The following OR1F1 variants were observed in gnomAD, a reference collection of about 807,000 sequenced individuals.
OR1F1 encodes the protein olfactory receptor 1F1.
For missense variants in OR1F1, 493 were observed against 376.3 expected (o/e 1.31, Z -2.57); for synonymous variants, 184 against 156.7 (o/e 1.17, Z -1.30).
upstream of OR1F1, among the ~76,000 whole-genome samples, chr16:3,202,650 T>C (rs900792567): frequency 6.9e-6 from 1 of 144,130 alleles, no homozygotes; most frequent in African/African-American, 2.5e-5. Context: ...AAGAATGAAA[T>C]TCCATCTCAA....
upstream of OR1F1, among the ~76,000 whole-genome samples, chr16:3,203,240 A>C (rs1437048427): frequency 6.6e-6 from 1 of 152,216 alleles, no homozygotes; most frequent in Non-Finnish European, 1.5e-5. Flanking sequence ...ATATGACCCT[A>C]GTGGCCATGG....
chr16:3,190,482 G>A, the OR1F1 span, among the ~76,000 whole-genome samples: 1,275 of 152,302 alleles, frequency 8.4e-3, 24 homozygotes, highest in African/African-American at 0.029. Flanking sequence ...AGGGAGGCAG[G>A]GCTCACGCCT....
chr16:3,203,273 C>G (rs936355479), upstream of OR1F1, among the ~76,000 whole-genome samples: 3 of 152,194 alleles, frequency 2.0e-5, no homozygotes, highest in African/African-American at 7.2e-5. Flanking sequence ...AGAGCTTGCC[C>G]TGTGATTCTT....
In OR1F1 at chr16:3,204,622, G is replaced by T. The variant is rs8045183; in HGVS notation, c.376G>T (p.Val126Leu). 10 of 1,613,932 alleles carry T rather than the reference G, an allele frequency of 6.2e-6. No individual in the cohort carries two copies. Among genetic ancestry groups the T allele is most frequent in the Non-Finnish European group, 7.6e-6 (9 of 1,180,034 alleles). ...GATGGCCTATGACCACTTTGTCGCC[G>T]TGTGCCACCCCTTACATTACACAGC... The change falls in exon 1 of 1, where the codon GTG becomes TTG. Residue 126 changes from valine to leucine, a missense_variant. Physicochemically the swap from Val to Leu is conservative, Grantham distance 32. Transcript: ENST00000304646.
At chr16:3,204,368 G>T (rs1268815620) in exon 1 of OR1F1, 1 of 1,613,864 alleles carries the variant, frequency 6.2e-7, no homozygotes, top group Non-Finnish European at 8.5e-7. Flanking sequence ...ACTGTCCTGG[G>T]GAACCTGCTC....
At chr16:3,205,275 C>T (rs118007536), downstream of OR1F1, 666 of 892,402 alleles carry the variant, frequency 7.5e-4, no homozygotes, top group Non-Finnish European at 9.1e-4. Flanking sequence ...AAATGATGTT[C>T]TTGCTAGTGA....
the OR1F1 span, among the ~76,000 whole-genome samples, chr16:3,188,888 C>G: frequency 6.6e-6 from 1 of 152,200 alleles, no homozygotes; most frequent in Non-Finnish European, 1.5e-5. Context: ...GTCCCGCCAG[C>G]TCCCCCCAGT....
downstream of OR1F1, among the ~76,000 whole-genome samples, chr16:3,205,394 C>T (rs897638671): frequency 5.9e-5 from 9 of 152,136 alleles, no homozygotes; most frequent in African/African-American, 2.2e-4. Context: ...TGGCTCACTG[C>T]ACCCTCCATC....
chr16:3,204,269 G>T, exon 1 of OR1F1: 1 of 1,610,438 alleles, frequency 6.2e-7, no homozygotes, highest in Non-Finnish European at 8.5e-7. Context: ...AACCAGTCGA[G>T]TGTCTCCGAG....
the OR1F1 span, among the ~76,000 whole-genome samples, chr16:3,196,573 G>C: frequency 1.4e-4 from 21 of 151,826 alleles, no homozygotes; most frequent in South Asian, 4.2e-4. Flanking sequence ...TTTTTGTAGA[G>C]ATGGGATCTC....
At chr16:3,192,235 T>A in the OR1F1 span, among the ~76,000 whole-genome samples, 1 of 152,152 alleles carries the variant, frequency 6.6e-6, no homozygotes, top group Non-Finnish European at 1.5e-5. Flanking sequence ...TTTTTGTATT[T>A]TTAGTAGAGA....
chr16:3,202,716 T>C (rs2141591028), upstream of OR1F1, among the ~76,000 whole-genome samples: 1 of 149,812 alleles, frequency 6.7e-6, no homozygotes, highest in Admixed American at 6.7e-5. Context: ...AACAATTTAA[T>C]ATCTTCAGCC....
the OR1F1 span, among the ~76,000 whole-genome samples, chr16:3,197,741 A>AGAGGGAGAG: frequency 1.5e-5 from 1 of 68,016 alleles, no homozygotes. Context: ...GAGAGGGAGA[A>AGAGGGAGAG]GGAGAGGGAG....
At chr16:3,200,130 G>T (rs988876175), upstream of OR1F1, among the ~76,000 whole-genome samples, 15 of 152,134 alleles carry the variant, frequency 9.9e-5, no homozygotes, top group African/African-American at 3.6e-4. Context: ...ATGCACGAGG[G>T]AGACTCCCTT....
chr16:3,196,987 C>T, the OR1F1 span, among the ~76,000 whole-genome samples: 3 of 152,268 alleles, frequency 2.0e-5, no homozygotes, highest in South Asian at 2.1e-4. Flanking sequence ...AGTGATTCTC[C>T]TGCCTCAGTC....
At chr16:3,200,761 T>C (rs541615488), upstream of OR1F1, among the ~76,000 whole-genome samples, 41 of 152,320 alleles carry the variant, frequency 2.7e-4, no homozygotes, top group South Asian at 8.1e-3. Flanking sequence ...TGCTGAGGCT[T>C]ACTGTGTGGA....
At chr16:3,203,590 C>A (rs1467575099), upstream of OR1F1, among the ~76,000 whole-genome samples, 4 of 152,174 alleles carry the variant, frequency 2.6e-5, no homozygotes, top group Non-Finnish European at 5.9e-5. Flanking sequence ...ATGGTGAAAC[C>A]CCGTCTCTAC....
the OR1F1 span, chr16:3,191,133 A>G: frequency 6.6e-6 from 1 of 152,218 alleles, no homozygotes; most frequent in Non-Finnish European, 1.5e-5. Flanking sequence ...CCCGATACAC[A>G]GCAGAACTCT....
rs755748017 is a variant in OR1F1 at position 3,204,661 on chromosome 16, C to T, written c.415C>T (p.Gln139Ter). 5.0e-6 allele frequency: 8 copies of T among 1,614,216 alleles called. No individual in the cohort carries two copies. The Middle Eastern group carries it at 4.9e-4, about 100-fold the overall frequency. ...ACATTACACAGCAAAGATGACCCAT[C>T]AGCTCTGTGCCCTGCTGGTTGCTGG... Residue 139 changes from glutamine (Q) to a stop codon, truncating the protein, a stop_gained, in exon 1 of 1, where the codon CAG (glutamine) becomes TAG (stop). Coordinates refer to ENST00000304646, the Ensembl canonical transcript of OR1F1. LOFTEE classifies it low-confidence loss of function (END_TRUNC).
Sources: allele counts gnomAD v4.1 joint callset (sites outside exome capture counted in the v4.1 genomes callset), GRCh38; gene constraint gnomAD v4.1.1; transcripts MANE v1.5; gene names NCBI Gene and HGNC (gene_info 2026-07-23, HGNC 2026-07-21).